The following ABCC9 variants were observed in gnomAD, a reference collection of about 807,000 sequenced individuals.
ABCC9 encodes the protein ATP-binding cassette sub-family C member 9.
Under a neutral mutation model 188.3 loss-of-function variants are expected in ABCC9, and 95 were observed. The observed-to-expected ratio is 0.50, with a 90% confidence interval of 0.43 to 0.60. ABCC9 has a LOEUF of 0.60. Ranked by LOEUF, ABCC9 falls within the 20% of genes least tolerant of loss-of-function variation. The pLI, the probability that ABCC9 is intolerant of heterozygous loss-of-function variation, is 0.00. For missense variants in ABCC9, 1,102 were observed against 1,876.3 expected (o/e 0.59, Z 7.62); for synonymous variants, 659 against 652.7 (o/e 1.01, Z -0.15).
At chr12:21,850,151 C>A (rs998653595) in intron 24 of ABCC9, among the ~76,000 whole-genome samples, 1 of 150,746 alleles carries the variant, frequency 6.6e-6, no homozygotes, top group African/African-American at 2.4e-5. Flanking sequence ...ATGTTGAGCA[C>A]ACTAGATGCT....
intron 35 of ABCC9, 53 bp downstream of exon 35, chr12:21,814,588 GTTT>G (rs113882813): frequency 1.3e-5 from 18 of 1,438,282 alleles, no homozygotes; most frequent in Non-Finnish European, 1.7e-5. Context: ...GTAAATTGAT[GTTT>G]TTTTAAAGGA....
chr12:21,822,605 C>G lies in ABCC9; in HGVS notation c.3670-4354G>C, dbSNP rs181746397. Among the ~76,000 whole-genome samples the G allele has an allele frequency of 1.4e-4, 21 of 151,206 alleles. No homozygotes were observed. The East Asian group carries it at 2.9e-3, about 21-fold the overall frequency. On this transcript the variant is annotated intron_variant, in intron 31 of 39. Coordinates refer to ENST00000261200, the MANE Select transcript of ABCC9 (RefSeq NM_020297.4). ...ACGAGGTCAGGAGATCGAGACCATC[C>G]TGGCTAACACAGTGAAACCCCATCT...
intron 34 of ABCC9, among the ~76,000 whole-genome samples, chr12:21,815,160 G>C (rs1243915114): frequency 6.6e-6 from 1 of 151,964 alleles, no homozygotes; most frequent in Non-Finnish European, 1.5e-5. Context: ...TCCACCCTTG[G>C]TGAAAGAACA....
intron 12 of ABCC9, 49 bp downstream of exon 12, chr12:21,906,077 A>T: frequency 6.4e-7 from 1 of 1,566,928 alleles, no homozygotes; most frequent in Non-Finnish European, 8.8e-7. Flanking sequence ...ACTGTTGGTT[A>T]TTCTGGTTGC....
At chr12:21,857,031 T>C (rs1945261196) in intron 22 of ABCC9, among the ~76,000 whole-genome samples, 1 of 152,204 alleles carries the variant, frequency 6.6e-6, no homozygotes, top group Non-Finnish European at 1.5e-5. Flanking sequence ...TTGTGAATTT[T>C]TAAACAATGG....
chr12:21,809,633 T>C (rs1300684891), intron 37 of ABCC9, among the ~76,000 whole-genome samples: 1 of 152,196 alleles, frequency 6.6e-6, no homozygotes, highest in African/African-American at 2.4e-5. Flanking sequence ...TGGAATATTT[T>C]GGAGTAGTCA....
chr12:21,906,415 T>TGA, intron 11 of ABCC9, 127 bp from the exon 12 acceptor site: 1 of 936,296 alleles, frequency 1.1e-6, no homozygotes, highest in Non-Finnish European at 1.6e-6. Flanking sequence ...CTAATTAGGT[T>TGA]GTGAAGTTCC....
intron 37 of ABCC9, among the ~76,000 whole-genome samples, chr12:21,808,820 T>G (rs112967177): frequency 0.019 from 2,894 of 150,562 alleles, 87 homozygotes; most frequent in African/African-American, 0.066. Flanking sequence ...TTATGGAAAG[T>G]TCATCCAGAG....
intron 10 of ABCC9, among the ~76,000 whole-genome samples, chr12:21,909,443 T>C (rs977784471): frequency 4.6e-5 from 7 of 151,934 alleles, no homozygotes; most frequent in Non-Finnish European, 7.4e-5. Context: ...AATGCAAAAC[T>C]TGAGATAATT....
chr12:21,850,527 T>C (rs1049661758), intron 24 of ABCC9, among the ~76,000 whole-genome samples: 3 of 152,122 alleles, frequency 2.0e-5, no homozygotes, highest in African/African-American at 7.2e-5. Context: ...CCTCCTTCAG[T>C]TCATACATAA....
At chr12:21,916,852 A>C in intron 6 of ABCC9, 85 bp downstream of exon 6, 12 of 1,253,530 alleles carry the variant, frequency 9.6e-6, no homozygotes, top group Non-Finnish European at 1.3e-5. Context: ...CATCCTTGTC[A>C]ATACTAATGA....
At chr12:21,918,865 T>C (rs754021742) in intron 5 of ABCC9, among the ~76,000 whole-genome samples, 1 of 152,080 alleles carries the variant, frequency 6.6e-6, no homozygotes, top group Non-Finnish European at 1.5e-5. Flanking sequence ...GACACAGAGA[T>C]AAGGAGGTAA....
intron 37 of ABCC9, among the ~76,000 whole-genome samples, chr12:21,808,639 G>T (rs1266989567): frequency 6.6e-6 from 1 of 151,916 alleles, no homozygotes; most frequent in Non-Finnish European, 1.5e-5. Flanking sequence ...GCATAGTGGG[G>T]CACCTATAGT....
intron 36 of ABCC9, 21 bp downstream of exon 36, chr12:21,812,028 G>A (rs771769510): frequency 6.6e-7 from 1 of 1,524,696 alleles, no homozygotes; most frequent in East Asian, 2.3e-5. Context: ...GCATACAGGT[G>A]TTGCTAAATA....
intron 37 of ABCC9, among the ~76,000 whole-genome samples, chr12:21,807,946 AT>A (rs112203648): frequency 0.02 from 2,976 of 148,348 alleles, 92 homozygotes; most frequent in African/African-American, 0.069. Flanking sequence ...GACCGGGTTT[AT>A]TTTTTTTTTG....
intron 5 of ABCC9, chr12:21,922,954 T>C (rs1948889680): frequency 6.6e-6 from 1 of 150,790 alleles, no homozygotes. Flanking sequence ...AAACAGAAAA[T>C]AGAGCCAAAA....
At chr12:21,859,275 A>G (rs977231589) in intron 22 of ABCC9, among the ~76,000 whole-genome samples, 7 of 152,170 alleles carry the variant, frequency 4.6e-5, no homozygotes, top group African/African-American at 1.7e-4. Context: ...AATATAAATA[A>G]GAAGACTTAT....
At position 21,800,854 on chromosome 12, in the gene ABCC9, T is replaced by A; in HGVS notation, c.*190A>T. 1.6e-6 allele frequency: 1 copy of A among 638,498 alleles called. No individual in the cohort carries two copies. Among genetic ancestry groups the A allele is most frequent in the Non-Finnish European group, 2.7e-6 (1 of 377,120 alleles). The allele number at this position is 638,498 out of a possible 1,614,324, so 39.6% of individuals were successfully genotyped here. ...GAGTGGCTGGATCACTATAAAAACA[T>A]CAATAATGAACATATTAAGCAATAA... is the stretch of plus-strand genomic sequence containing the variant. On this transcript the variant is annotated 3_prime_UTR_variant, in exon 40 of 40. Coordinates refer to ENST00000261200, the MANE Select transcript of ABCC9 (RefSeq NM_020297.4).
intron 10 of ABCC9, 26 bp from the exon 11 acceptor site, chr12:21,908,237 A>G: frequency 6.2e-7 from 1 of 1,611,348 alleles, no homozygotes; most frequent in Non-Finnish European, 8.5e-7. Context: ...CATGGAAAAG[A>G]GAAGATGAAT....
Sources: allele counts gnomAD v4.1 joint callset (sites outside exome capture counted in the v4.1 genomes callset), GRCh38; gene constraint gnomAD v4.1.1; transcripts MANE v1.5; gene names NCBI Gene and HGNC (gene_info 2026-07-23, HGNC 2026-07-21).